SPATA17: variants seen among roughly 807,000 people sequenced by gnomAD.
SPATA17 encodes the protein spermatogenesis associated 17, also known as spermatogenesis-associated protein 17.
Under a neutral mutation model 62.2 loss-of-function variants are expected in SPATA17, and 53 were observed. The observed-to-expected ratio is 0.85, with a 90% CI of 0.68 to 1.07. The LOEUF is 1.07. Ranked by LOEUF, SPATA17 falls within the 50% of genes least tolerant of loss-of-function variation. The pLI, the probability that SPATA17 is intolerant of heterozygous loss-of-function variation, is 0.00. For missense variants in SPATA17, 466 were observed against 425.5 expected, an observed-to-expected ratio of 1.10 and a Z score of -0.84; for synonymous variants, 146 against 146.8, an observed-to-expected ratio of 0.99 and a Z score of 0.04.
chr1:217,834,008 A>T (rs1386657456), intron 9 of SPATA17, among the ~76,000 whole-genome samples: 11 of 152,164 alleles, frequency 7.2e-5, no homozygotes, highest in Non-Finnish European at 1.6e-4. Flanking sequence ...AGAGAGCAGA[A>T]GCTAAAGTTA....
chr1:217,653,492 T>C (rs1670367973), intron 3 of SPATA17, among the ~76,000 whole-genome samples: 1 of 152,198 alleles, frequency 6.6e-6, no homozygotes, highest in Non-Finnish European at 1.5e-5. Context: ...TCTATGTCTC[T>C]GTGCTTATAT....
Position 217,684,407 on chromosome 1 carries a change from T to C in SPATA17, c.395+1046T>C, listed in dbSNP as rs576304553. Reference sequence around the variant, plus strand: ...TTTTCTACATATATCATATATCATCTTATTTTACTCTTTTATTTTTTTTTT... The same window carrying C: ...TTTTCTACATATATCATATATCATCCTATTTTACTCTTTTATTTTTTTTTT... On this transcript the variant is annotated intron_variant, in intron 5 of 10. Coordinates refer to ENST00000366933, the MANE Select transcript of SPATA17 (RefSeq NM_138796.4). 9.9e-5 allele frequency among the ~76,000 whole-genome samples: 15 copies of C among 152,262 alleles called. No individual in the cohort carries two copies. The South Asian group carries it at 1.0e-3, about 11-fold the overall frequency.
chr1:217,806,702 G>A (rs1674443605), intron 9 of SPATA17, among the ~76,000 whole-genome samples: 3 of 152,026 alleles, frequency 2.0e-5, no homozygotes, highest in Admixed American at 1.3e-4. Context: ...GGAAATATAA[G>A]GTATTGTTTC....
chr1:217,837,024 T>A (rs1349478190), intron 9 of SPATA17, among the ~76,000 whole-genome samples: 1 of 152,122 alleles, frequency 6.6e-6, no homozygotes, highest in Middle Eastern at 3.4e-3. Flanking sequence ...ATTGTGGGAG[T>A]AAAGCCTTCC....
At chr1:217,654,269 C>G (rs1405971862) in intron 3 of SPATA17, among the ~76,000 whole-genome samples, 1 of 151,848 alleles carries the variant, frequency 6.6e-6, no homozygotes, top group Non-Finnish European at 1.5e-5. Flanking sequence ...TCCCAAGTAG[C>G]TGGAATTACA....
At chr1:217,743,070 A>G (rs1314019095) in intron 6 of SPATA17, among the ~76,000 whole-genome samples, 1 of 151,622 alleles carries the variant, frequency 6.6e-6, no homozygotes, top group Non-Finnish European at 1.5e-5. Flanking sequence ...CATGGTGACT[A>G]TCTTCATATT....
At chr1:217,672,946 G>A (rs1670864539) in intron 4 of SPATA17, among the ~76,000 whole-genome samples, 1 of 152,000 alleles carries the variant, frequency 6.6e-6, no homozygotes, top group South Asian at 2.1e-4. Flanking sequence ...TCAATGCTTG[G>A]CTTATAGTAG....
chr1:217,820,296 T>A (rs1414420230), intron 9 of SPATA17, among the ~76,000 whole-genome samples: 2 of 152,034 alleles, frequency 1.3e-5, no homozygotes, highest in African/African-American at 4.8e-5. Context: ...TAAGAAGTTT[T>A]CTCTGGATAC....
intron 8 of SPATA17, among the ~76,000 whole-genome samples, chr1:217,797,251 C>CTTTTT (rs11360301): frequency 1.7e-5 from 2 of 119,842 alleles, no homozygotes; most frequent in African/African-American, 3.0e-5. Flanking sequence ...TTCTTTCTTT[C>CTTTTT]TTTTTTTTTT....
At chr1:217,661,164 G>T (rs1402469158) in intron 3 of SPATA17, among the ~76,000 whole-genome samples, 1 of 152,100 alleles carries the variant, frequency 6.6e-6, no homozygotes, top group African/African-American at 2.4e-5. Flanking sequence ...AAAAAAGTAT[G>T]TGAACAGTAC....
At chr1:217,835,954 T>C (rs1675251770) in intron 9 of SPATA17, among the ~76,000 whole-genome samples, 1 of 152,030 alleles carries the variant, frequency 6.6e-6, no homozygotes, top group Non-Finnish European at 1.5e-5. Context: ...CCCAGAGCGA[T>C]TCAGCTCACT....
intron 6 of SPATA17, among the ~76,000 whole-genome samples, chr1:217,746,983 T>C (rs760526963): frequency 4.6e-5 from 7 of 152,004 alleles, no homozygotes; most frequent in Non-Finnish European, 7.4e-5. Context: ...AATTAGTCAA[T>C]TATATTTCCC....
At chr1:217,696,068 A>T (rs1169500768) in intron 5 of SPATA17, among the ~76,000 whole-genome samples, 1 of 152,116 alleles carries the variant, frequency 6.6e-6, no homozygotes, top group Admixed American at 6.5e-5. Context: ...AAGCCTGGGC[A>T]ATGGCGGGCG....
chr1:217,697,550 C>T (rs1462705424), intron 5 of SPATA17, among the ~76,000 whole-genome samples: 1 of 152,080 alleles, frequency 6.6e-6, no homozygotes, highest in Non-Finnish European at 1.5e-5. Flanking sequence ...TATTGGGAAT[C>T]TCTTTGTGAC....
chr1:217,747,961 CAAATCATATT>C (rs978581297), intron 6 of SPATA17, among the ~76,000 whole-genome samples: 1 of 152,064 alleles, frequency 6.6e-6, no homozygotes, highest in Non-Finnish European at 1.5e-5. Flanking sequence ...ACTTCTTTCC[CAAATCATATT>C]AAATCATATT....
chr1:217,732,083 T>C (rs1672413904), intron 5 of SPATA17, among the ~76,000 whole-genome samples: 1 of 150,680 alleles, frequency 6.6e-6, no homozygotes, highest in Non-Finnish European at 1.5e-5. Context: ...ATTACTCCAG[T>C]TTCTCTCTCT....
intron 8 of SPATA17, among the ~76,000 whole-genome samples, chr1:217,800,696 C>T (rs1363828137): frequency 6.6e-6 from 1 of 152,166 alleles, no homozygotes; most frequent in Non-Finnish European, 1.5e-5. Context: ...TTTGACATCT[C>T]ATTCTTCTGG....
rs189449356 is a variant in SPATA17, at chr1:217,865,457, A to G, written c.*3-1565A>G. Among the ~76,000 whole-genome samples the G allele has an allele frequency of 2.1e-3, 326 of 152,302 alleles. 3 individuals carry two copies. Among genetic ancestry groups the G allele is most frequent in the Non-Finnish European group, 1.6e-3 (111 of 68,026 alleles). ...ATTTAAACCACTGAAAAATACACGGAACTAGATCTTAAACACACACATATT... is the reference window on the plus strand; with the variant it reads ...ATTTAAACCACTGAAAAATACACGGGACTAGATCTTAAACACACACATATT... On this transcript the variant is annotated intron_variant, in intron 10 of 10. Coordinates refer to ENST00000366933, the MANE Select transcript of SPATA17 (RefSeq NM_138796.4).
Position 217,654,963 on chromosome 1 carries a change from G to A in SPATA17, c.240+3785G>A, listed in dbSNP as rs1046227400. On this transcript the variant is annotated intron_variant, in intron 3 of 10. Coordinates refer to ENST00000366933, the MANE Select transcript of SPATA17 (RefSeq NM_138796.4). ...CTGACCTTGTGATATGCCCGCCTTG[G>A]CCTCCCAAAGTGCTGGGATTATAGG... 2.6e-5 allele frequency among the ~76,000 whole-genome samples: 4 copies of A among 152,064 alleles called. No homozygotes were observed. In the East Asian group the frequency reaches 7.7e-4, roughly 29 times the overall value.
Sources: allele counts gnomAD v4.1 joint callset (sites outside exome capture counted in the v4.1 genomes callset), GRCh38; gene constraint gnomAD v4.1.1; transcripts MANE v1.5; gene names NCBI Gene and HGNC (gene_info 2026-07-23, HGNC 2026-07-21).